The following DAB1 variants were observed in gnomAD, a reference collection of about 807,000 sequenced individuals.
The protein encoded by DAB1 is DAB adaptor protein 1.
A neutral mutation model predicts 64.6 loss-of-function variants in DAB1; 15 were observed. The ratio of observed to expected loss-of-function variants is 0.23; its 90% CI spans 0.16 to 0.36. The LOEUF is 0.36. DAB1 is among the 10% of genes least tolerant of loss of function. The probability of loss-of-function intolerance (pLI) is 1.00; values close to 1 mark genes in which losing one functional copy is unlikely to be tolerated. For missense variants in DAB1, 596 were observed against 706.7 expected, an observed-to-expected ratio of 0.84 and a Z score of 1.78; for synonymous variants, 235 against 251.9, an observed-to-expected ratio of 0.93 and a Z score of 0.64.
intron 2 of DAB1, among the ~76,000 whole-genome samples, chr1:57,217,286 T>C (rs1240296289): frequency 6.6e-6 from 1 of 152,234 alleles, no homozygotes; most frequent in Non-Finnish European, 1.5e-5. Context: ...ATTAAAAATA[T>C]GTTCTTTAAG....
intron 6 of DAB1, among the ~76,000 whole-genome samples, chr1:57,758,193 A>G (rs1274760714): frequency 6.6e-6 from 1 of 152,214 alleles, no homozygotes; most frequent in African/African-American, 2.4e-5. Context: ...GTTAAGAACT[A>G]CTAGGCACTA....
At chr1:57,177,829 C>A (rs993916540) in intron 2 of DAB1, among the ~76,000 whole-genome samples, 10 of 152,128 alleles carry the variant, frequency 6.6e-5, no homozygotes, top group Admixed American at 3.9e-4. Flanking sequence ...TAAGCTATAT[C>A]AGATCTTTGG....
intron 4 of DAB1, among the ~76,000 whole-genome samples, chr1:57,095,041 T>G (rs550141890): frequency 6.6e-5 from 10 of 152,302 alleles, no homozygotes; most frequent in Admixed American, 1.3e-4. Flanking sequence ...TGGCTACTGC[T>G]TCTCAAGACT....
rs182396752 is a variant in DAB1, at chr1:57,677,676, G to T, written n.552-28011C>A. On this transcript the variant is annotated intron_variant and non_coding_transcript_variant, in intron 6 of 20. Coordinates refer to the DAB1 transcript ENST00000485760. Reference sequence around the variant, plus strand: ...ACTCTGAACGACCAACTGATAATTAGAATTAATTAGAGATATTCACTGCAA... The same window carrying T: ...ACTCTGAACGACCAACTGATAATTATAATTAATTAGAGATATTCACTGCAA... 3.5e-4 allele frequency among the ~76,000 whole-genome samples: 53 copies of T among 152,296 alleles called. No individual in the cohort carries two copies. In the East Asian group the frequency reaches 9.3e-3, roughly 27 times the overall value.
chr1:57,332,492 T>G (rs1186508957), intron 1 of DAB1, among the ~76,000 whole-genome samples: 2 of 152,234 alleles, frequency 1.3e-5, no homozygotes, highest in African/African-American at 2.4e-5. Context: ...AGTAATCATT[T>G]ATGGAATATT....
intron 3 of DAB1, among the ~76,000 whole-genome samples, chr1:58,454,695 C>T (rs963345278): frequency 1.2e-4 from 18 of 152,124 alleles, no homozygotes; most frequent in Admixed American, 7.2e-4. Context: ...GATTGAGAGG[C>T]GGCTGCCTTG....
chr1:57,026,911 C>T lies in DAB1; in HGVS notation c.724-868G>A, dbSNP rs114910841. Reference sequence around the variant, plus strand: ...AGACTCTAGGGAGTCTATGGCGTGACTTAATTATGACAAGTATGTAATCAC... The same window carrying T: ...AGACTCTAGGGAGTCTATGGCGTGATTTAATTATGACAAGTATGTAATCAC... On this transcript the variant is annotated intron_variant, in intron 9 of 14. Transcript: ENST00000371236. Among the ~76,000 whole-genome samples, 686 of 152,274 alleles carry T rather than the reference C, an allele frequency of 4.5e-3. 9 individuals are homozygous for T. The highest frequency in any genetic ancestry group is 0.016 in the African/African-American group (649 of 41,554).
rs367698260 is a variant in DAB1 at position 58,284,823 on chromosome 1, C to T, written n.309+58529G>A. On this transcript the variant is annotated intron_variant and non_coding_transcript_variant, in intron 4 of 20. Coordinates refer to the DAB1 transcript ENST00000485760. ...AGCCCTCCAGTTGATGGAATCCTGG[C>T]GATGCACACATGAATAAAAGCAGCA... Among the ~76,000 whole-genome samples the T allele has an allele frequency of 3.7e-4, 56 of 152,318 alleles. 1 individual carries two copies. The highest frequency in any genetic ancestry group is 3.4e-3 in the Middle Eastern group (1 of 294).
chr1:57,041,861 T>C (rs1647831568), intron 9 of DAB1, among the ~76,000 whole-genome samples: 1 of 152,190 alleles, frequency 6.6e-6, no homozygotes, highest in Admixed American at 6.5e-5. Context: ...ACCCAACTCA[T>C]CCCTGTATTT....
intron 1 of DAB1, among the ~76,000 whole-genome samples, chr1:57,860,166 C>T (rs1053701347): frequency 4.6e-5 from 7 of 151,996 alleles, no homozygotes; most frequent in African/African-American, 1.5e-4. Context: ...GTGTATTTCA[C>T]GAATGTAACA....
chr1:57,566,227 T>C (rs1340129078), intron 7 of DAB1, among the ~76,000 whole-genome samples: 1 of 152,060 alleles, frequency 6.6e-6, no homozygotes, highest in African/African-American at 2.4e-5. Flanking sequence ...TTGAAACCAA[T>C]GAGAACAAAG....
chr1:57,281,589 G>T (rs1671899035), intron 2 of DAB1, among the ~76,000 whole-genome samples: 1 of 152,174 alleles, frequency 6.6e-6, no homozygotes, highest in Admixed American at 6.6e-5. Flanking sequence ...CTGATGCCAT[G>T]ATAAGCAGTG....
At chr1:58,027,759 C>T (rs1192865187) in intron 5 of DAB1, among the ~76,000 whole-genome samples, 1 of 151,958 alleles carries the variant, frequency 6.6e-6, no homozygotes, top group African/African-American at 2.4e-5. Flanking sequence ...AAAAAAGATA[C>T]CAGATGGCAT....
intron 6 of DAB1, among the ~76,000 whole-genome samples, chr1:57,743,713 G>A (rs1007412870): frequency 2.6e-4 from 39 of 152,134 alleles, no homozygotes; most frequent in Non-Finnish European, 3.7e-4. Flanking sequence ...CTAACCCAGC[G>A]GCGCTAGAGG....
At chr1:57,038,920 A>C (rs1280118632) in intron 9 of DAB1, among the ~76,000 whole-genome samples, 4 of 152,216 alleles carry the variant, frequency 2.6e-5, no homozygotes, top group Admixed American at 2.6e-4. Flanking sequence ...CAGGGTGCTA[A>C]GCTGACCTGA....
chr1:58,048,873 C>T (rs1290260357), intron 5 of DAB1: 11 of 941,258 alleles, frequency 1.2e-5, no homozygotes, highest in Admixed American at 5.1e-5. Flanking sequence ...TTTGCCACTG[C>T]CTCAGTCAGT....
chr1:57,405,862 C>T (rs566562163), intron 1 of DAB1, among the ~76,000 whole-genome samples: 2 of 152,188 alleles, frequency 1.3e-5, no homozygotes, highest in Non-Finnish European at 2.9e-5. Flanking sequence ...GCTCTTTGAC[C>T]CCAGGCAATA....
At chr1:57,909,735 A>C (rs548278119) in intron 5 of DAB1, among the ~76,000 whole-genome samples, 1 of 152,244 alleles carries the variant, frequency 6.6e-6, no homozygotes, top group Non-Finnish European at 1.5e-5. Flanking sequence ...CTGCCAAAAT[A>C]AATTGCGTAT....
intron 1 of DAB1, among the ~76,000 whole-genome samples, chr1:57,367,700 T>C (rs1417457800): frequency 6.6e-6 from 1 of 152,196 alleles, no homozygotes; most frequent in Non-Finnish European, 1.5e-5. Flanking sequence ...TCCGTGGAGC[T>C]GGCAGGAGCT....
Sources: allele counts gnomAD v4.1 joint callset (sites outside exome capture counted in the v4.1 genomes callset), GRCh38; gene constraint gnomAD v4.1.1; transcripts MANE v1.5; gene names NCBI Gene and HGNC (gene_info 2026-07-23, HGNC 2026-07-21).